The following CEACAM18 variants were observed in gnomAD, a reference collection of about 807,000 sequenced individuals.
CEACAM18 encodes the protein CEA cell adhesion molecule 18.
A neutral mutation model predicts 34.3 loss-of-function variants in CEACAM18; 33 were observed. The observed-to-expected ratio is 0.96, with a 90% confidence interval of 0.73 to 1.29. The LOEUF (loss-of-function observed/expected upper bound fraction) is 1.29, where lower values mean the gene tolerates loss of function less well. CEACAM18 is among the 50% of genes most tolerant of loss of function. CEACAM18 has a pLI of 0.00. For missense variants in CEACAM18, 474 were observed against 485.0 expected, an observed-to-expected ratio of 0.98 and a Z score of 0.21; for synonymous variants, 169 against 180.9, an observed-to-expected ratio of 0.93 and a Z score of 0.53.
intron 3 of CEACAM18, among the ~76,000 whole-genome samples, chr19:51,482,102 T>C (rs1989927109): frequency 6.6e-6 from 1 of 152,236 alleles, no homozygotes; most frequent in Non-Finnish European, 1.5e-5. Flanking sequence ...TCACTGAAAC[T>C]GAACAGGCTA....
intron 5 of CEACAM18, among the ~76,000 whole-genome samples, chr19:51,489,352 C>T (rs112826781): frequency 2.0e-5 from 3 of 151,630 alleles, no homozygotes; most frequent in East Asian, 2.0e-4. Flanking sequence ...ACAGCTACCA[C>T]GATCCAGCCC....
chr19:51,490,486 A>C, intron 5 of CEACAM18, 101 bp from the exon 6 acceptor site: 1 of 1,016,418 alleles, frequency 9.8e-7, no homozygotes. Flanking sequence ...TTAGGCTTGG[A>C]CTTGGTGGGA....
At chr19:51,489,953 C>T (rs944350776) in intron 5 of CEACAM18, among the ~76,000 whole-genome samples, 5 of 152,126 alleles carry the variant, frequency 3.3e-5, no homozygotes, top group Non-Finnish European at 7.3e-5. Context: ...TGGAAGAACC[C>T]CCCTGGCCTG....
At chr19:51,488,436 C>T (rs566313785) in intron 5 of CEACAM18, among the ~76,000 whole-genome samples, 4 of 152,350 alleles carry the variant, frequency 2.6e-5, no homozygotes, top group Admixed American at 1.3e-4. Flanking sequence ...AAAGCACAGA[C>T]AGGCTGACTC....
intron 5 of CEACAM18, among the ~76,000 whole-genome samples, chr19:51,485,541 T>C (rs1009315134): frequency 3.3e-5 from 5 of 152,122 alleles, no homozygotes; most frequent in African/African-American, 4.8e-5. Flanking sequence ...ATGGTTAAGG[T>C]CTGGGTTCAA....
intron 4 of CEACAM18, among the ~76,000 whole-genome samples, chr19:51,484,264 A>G (rs544994648): frequency 1.0e-3 from 158 of 151,746 alleles, no homozygotes; most frequent in Non-Finnish European, 1.3e-3. Context: ...TCATCGATTC[A>G]CATTTTTCTC....
upstream of CEACAM18, chr19:51,478,600 G>T: frequency 1.9e-6 from 3 of 1,549,424 alleles, no homozygotes; most frequent in South Asian, 3.5e-5. Context: ...AGGTGGCTGT[G>T]TCTCTGGAGG....
At chr19:51,482,908 G>A (rs1007523789) in intron 3 of CEACAM18, 109 bp from the exon 4 acceptor site, 2 of 1,339,696 alleles carry the variant, frequency 1.5e-6, no homozygotes, top group East Asian at 2.3e-5. Context: ...AGGTCTAGGG[G>A]TTAGCCCGAG....
chr19:51,484,405 C>T (rs774410637), intron 4 of CEACAM18, among the ~76,000 whole-genome samples: 5 of 151,984 alleles, frequency 3.3e-5, no homozygotes, highest in Non-Finnish European at 5.9e-5. Context: ...CTGCACCTCC[C>T]GGACTCAAGT....
At chr19:51,490,394 A>C (rs1767654084) in intron 5 of CEACAM18, among the ~76,000 whole-genome samples, 193 bp from the exon 6 acceptor site, 2 of 151,958 alleles carry the variant, frequency 1.3e-5, no homozygotes, top group Non-Finnish European at 1.5e-5. Context: ...AAATCTTTAA[A>C]AGTATGGAGA....
At chr19:51,490,691 G>A in exon 6 of CEACAM18, 2 of 1,131,302 alleles carry the variant, frequency 1.8e-6, no homozygotes, top group Non-Finnish European at 2.2e-6. Context: ...TCCCCATAGG[G>A]CCAGCGAGGC....
intron 2 of CEACAM18, 143 bp downstream of exon 2, chr19:51,480,823 T>TG: frequency 2.6e-6 from 2 of 758,670 alleles, no homozygotes; most frequent in Non-Finnish European, 4.2e-6. Flanking sequence ...GGACAGCTCC[T>TG]GGGGGATCTG....
chr19:51,489,746 T>C (rs187969189), intron 5 of CEACAM18, among the ~76,000 whole-genome samples: 53 of 152,298 alleles, frequency 3.5e-4, no homozygotes, highest in Admixed American at 7.8e-4. Flanking sequence ...ATATCTCCTA[T>C]GGGGATAAAG....
chr19:51,488,583 G>A (rs1441148969), intron 5 of CEACAM18, among the ~76,000 whole-genome samples: 4 of 152,184 alleles, frequency 2.6e-5, no homozygotes. Context: ...AGGGTTGTTG[G>A]CTAGTCTTCA....
Position 51,483,070 on chromosome 19 carries a change from G to A in CEACAM18, c.727G>A (p.Val243Met), listed in dbSNP as rs751525726. 6 of 1,614,036 alleles carry A rather than the reference G, an allele frequency of 3.7e-6. No individual in the cohort carries two copies. The South Asian group carries it at 5.5e-5, about 15-fold the overall frequency. ...CAATCCTGATGATTTCAACGGCATT[G>A]TGACAGCTGAGATCGGCTCCCAAGT... The change falls in exon 4 of 6, where the codon GTG (valine) becomes ATG (methionine). Residue 243 changes from valine to methionine, a missense_variant. Physicochemically the swap from Val to Met is conservative, Grantham distance 21. Transcript: ENST00000396477.
intron 4 of CEACAM18, among the ~76,000 whole-genome samples, chr19:51,483,691 A>C (rs1411577070): frequency 3.3e-5 from 5 of 152,120 alleles, no homozygotes; most frequent in Non-Finnish European, 7.4e-5. Context: ...TTGCTTTGTA[A>C]CCCATGGAAG....
exon 3 of CEACAM18, chr19:51,481,540 T>G: frequency 6.2e-7 from 1 of 1,613,922 alleles, no homozygotes; most frequent in Non-Finnish European, 8.5e-7. Flanking sequence ...CGGATGACAA[T>G]TTCCCCAGAC....
intron 2 of CEACAM18, 59 bp from the exon 3 acceptor site, chr19:51,481,324 CTGGAGAGGAG>C: frequency 6.6e-7 from 1 of 1,504,868 alleles, no homozygotes; most frequent in Non-Finnish European, 9.1e-7. Flanking sequence ...CAGAAGTCCC[CTGGAGAGGAG>C]CAGAGCTTGG....
downstream of CEACAM18, among the ~76,000 whole-genome samples, chr19:51,491,161 C>T (rs1284457878): frequency 1.3e-5 from 2 of 151,900 alleles, no homozygotes; most frequent in African/African-American, 4.8e-5. Flanking sequence ...CTGGATGCAC[C>T]GTGGAACCAT....
Sources: gnomAD v4.1 joint callset for allele counts (sites outside exome capture counted in the v4.1 genomes callset) on GRCh38, gnomAD v4.1.1 for gene constraint, MANE v1.5 for transcripts, NCBI Gene and HGNC (gene_info 2026-07-23, HGNC 2026-07-21) for gene names.